Variants in FOXP1 observed in about 807,000 individuals in gnomAD.
The protein encoded by FOXP1 is forkhead box P1, also known as forkhead box protein P1.
A neutral mutation model predicts 98.2 loss-of-function variants in FOXP1; 15 were observed. That is an observed-to-expected ratio of 0.15 (90% CI 0.10 to 0.24). The LOEUF (loss-of-function observed/expected upper bound fraction) is 0.24, where lower values mean the gene tolerates loss of function less well. Among genes scored for constraint, FOXP1 ranks in the 10% least tolerant of loss-of-function variants. FOXP1 has a pLI of 1.00. For synonymous variants in FOXP1, 371 were observed against 314.5 expected (o/e 1.18, Z -1.90); for missense variants, 633 against 848.5 (o/e 0.75, Z 3.15).
chr3:71,477,726 C>A (rs78069559), intron 3 of FOXP1, among the ~76,000 whole-genome samples: 2,212 of 152,224 alleles, frequency 0.015, 41 homozygotes, highest in African/African-American at 0.05. Flanking sequence ...ACAAGCAATG[C>A]ACATGACTGA....
chr3:71,287,731 G>A (rs1248031558), intron 5 of FOXP1, among the ~76,000 whole-genome samples: 1 of 151,818 alleles, frequency 6.6e-6, no homozygotes, highest in African/African-American at 2.4e-5. Context: ...AGTGAGCTGA[G>A]GTCGTGCCAC....
rs556276587 is a variant in FOXP1 at position 71,319,840 on chromosome 3, T to G, written c.-72-19960A>C. Among the ~76,000 whole-genome samples the G allele has an allele frequency of 2.0e-5, 3 of 152,282 alleles. No individual in the cohort carries two copies. In the East Asian group the frequency reaches 5.8e-4, roughly 29 times the overall value. Reference sequence around the variant, plus strand: ...ACCCTCTTCTCCGCCAATCTGGTTCTTCTTCCTTGGGCCTTCCCTCAGTGA... The same window carrying G: ...ACCCTCTTCTCCGCCAATCTGGTTCGTCTTCCTTGGGCCTTCCCTCAGTGA... On this transcript the variant is annotated intron_variant, in intron 4 of 20. Transcript: ENST00000649528.
chr3:70,979,684 T>TA (rs983735608), intron 14 of FOXP1, among the ~76,000 whole-genome samples: 56 of 151,646 alleles, frequency 3.7e-4, no homozygotes, highest in African/African-American at 7.3e-5. Context: ...TGGAAGGTAT[T>TA]AAAAATGAGA....
chr3:70,989,649 GTT>G (rs2040303884), intron 13 of FOXP1, among the ~76,000 whole-genome samples: 1 of 152,130 alleles, frequency 6.6e-6, no homozygotes, highest in Admixed American at 6.5e-5. Flanking sequence ...TTTAAGAAAT[GTT>G]TTGTTTTAAA....
At chr3:71,247,611 T>C (rs555055924) in intron 5 of FOXP1, among the ~76,000 whole-genome samples, 1 of 152,330 alleles carries the variant, frequency 6.6e-6, no homozygotes, top group South Asian at 2.1e-4. Context: ...TCCAAGTCAC[T>C]AGCACAATGA....
chr3:70,960,192 A>G (rs577099890), intron 20 of FOXP1, among the ~76,000 whole-genome samples: 1 of 152,370 alleles, frequency 6.6e-6, no homozygotes, highest in South Asian at 2.1e-4. Flanking sequence ...GCATATTTTT[A>G]CAAACTGTCA....
At chr3:71,169,123 T>G (rs1446783549) in intron 6 of FOXP1, among the ~76,000 whole-genome samples, 2 of 152,182 alleles carry the variant, frequency 1.3e-5, no homozygotes, top group Non-Finnish European at 2.9e-5. Context: ...GCTCATAAAC[T>G]GAGGTGGTGC....
intron 5 of FOXP1, among the ~76,000 whole-genome samples, chr3:71,282,461 C>A (rs1196741861): frequency 6.6e-6 from 1 of 151,924 alleles, no homozygotes; most frequent in Non-Finnish European, 1.5e-5. Flanking sequence ...ATGTACTGTG[C>A]CAATCATAAA....
At chr3:71,361,975 A>G (rs1025059246) in intron 3 of FOXP1, among the ~76,000 whole-genome samples, 2 of 152,204 alleles carry the variant, frequency 1.3e-5, no homozygotes, top group East Asian at 1.9e-4. Flanking sequence ...TATATCGTCA[A>G]GGACAAAGTG....
At chr3:71,486,999 G>A (rs964616250) in intron 3 of FOXP1, among the ~76,000 whole-genome samples, 5 of 152,122 alleles carry the variant, frequency 3.3e-5, no homozygotes, top group Non-Finnish European at 7.4e-5. Flanking sequence ...CGGCATGTAT[G>A]TGCCTCTCCC....
rs576881299 is a variant in FOXP1 at position 71,437,083 on chromosome 3, C to A, written c.-168+56343G>T. ...AGCTGGCATTAACGTTTCTCAGTCTCTTTGATCCAACAATGTCACTTCTAA... is the reference window on the plus strand; with the variant it reads ...AGCTGGCATTAACGTTTCTCAGTCTATTTGATCCAACAATGTCACTTCTAA... On this transcript the variant is annotated intron_variant, in intron 3 of 20. Coordinates refer to ENST00000649528, the MANE Select transcript of FOXP1 (RefSeq NM_001349338.3). Among the ~76,000 whole-genome samples, 6 of 152,252 alleles carry A rather than the reference C, an allele frequency of 3.9e-5. No homozygotes were observed. The South Asian group carries it at 1.2e-3, about 32-fold the overall frequency.
At chr3:71,506,036 C>A (rs1050311615) in intron 2 of FOXP1, among the ~76,000 whole-genome samples, 2 of 152,190 alleles carry the variant, frequency 1.3e-5, no homozygotes, top group African/African-American at 4.8e-5. Flanking sequence ...TTCAAGACAA[C>A]AATAAGAGCC....
intron 6 of FOXP1, among the ~76,000 whole-genome samples, chr3:71,126,949 ATT>A (rs2059250448): frequency 1.3e-5 from 2 of 152,050 alleles, no homozygotes; most frequent in South Asian, 4.1e-4. Flanking sequence ...AACTGGAATC[ATT>A]TTGTATGGTC....
chr3:71,390,596 G>C (rs1294515117), intron 3 of FOXP1, among the ~76,000 whole-genome samples: 1 of 151,518 alleles, frequency 6.6e-6, no homozygotes, highest in East Asian at 1.9e-4. Flanking sequence ...GGGTTGGGGG[G>C]GGCAGTCAAG....
At chr3:71,165,489 T>TGA in intron 6 of FOXP1, among the ~76,000 whole-genome samples, 1 of 152,266 alleles carries the variant, frequency 6.6e-6, no homozygotes, top group South Asian at 2.1e-4. Flanking sequence ...TTCTTAGGTG[T>TGA]GAGAGCTGGT....
chr3:71,534,026 A>G (rs35480566), intron 2 of FOXP1, among the ~76,000 whole-genome samples: 49,866 of 152,010 alleles, frequency 0.33, 9,376 homozygotes, highest in Non-Finnish European at 0.43. Context: ...CCGTAAGTAG[A>G]CCAAAATCCG....
chr3:71,079,670 T>C (rs988959805), intron 7 of FOXP1, among the ~76,000 whole-genome samples: 3 of 152,208 alleles, frequency 2.0e-5, no homozygotes, highest in African/African-American at 7.2e-5. Context: ...TATTCTCATG[T>C]ATCACCCACT....
At chr3:71,582,543 G>A (rs1362752224) in intron 1 of FOXP1, 2 of 985,330 alleles carry the variant, frequency 2.0e-6, no homozygotes, top group African/African-American at 1.7e-5. Context: ...CCGGAGGGAC[G>A]AGGCGACACG....
chr3:71,209,957 T>A (rs1410617193), intron 5 of FOXP1, among the ~76,000 whole-genome samples: 1 of 152,200 alleles, frequency 6.6e-6, no homozygotes, highest in African/African-American at 2.4e-5. Context: ...AGTTAGCTAA[T>A]TTTTTTAAAT....
Sources: allele counts gnomAD v4.1 joint callset (sites outside exome capture counted in the v4.1 genomes callset), GRCh38; gene constraint gnomAD v4.1.1; transcripts MANE v1.5; gene names NCBI Gene and HGNC (gene_info 2026-07-23, HGNC 2026-07-21).